The following MTERF4 variants were observed in gnomAD, a reference collection of about 807,000 sequenced individuals.
MTERF4 encodes the protein transcription termination factor 4, mitochondrial.
MTERF4 carries 17 observed loss-of-function variants against 22.5 expected under a neutral mutation model. The ratio of observed to expected loss-of-function variants is 0.75; its 90% CI spans 0.52 to 1.13. The LOEUF (loss-of-function observed/expected upper bound fraction) is 1.13. Among genes scored for constraint, MTERF4 ranks in the 50% most tolerant of loss-of-function variants. The pLI, the probability that MTERF4 is intolerant of heterozygous loss-of-function variation, is 0.00. For synonymous variants in MTERF4, 165 were observed against 175.3 expected (o/e 0.94, Z 0.47); for missense variants, 420 against 466.8 (o/e 0.90, Z 0.92).
At chr2:241,052,229 T>A in the MTERF4 span, 1 of 1,479,168 alleles carries the variant, frequency 6.8e-7, no homozygotes, top group African/African-American at 1.4e-5. Context: ...AACAGGCCCA[T>A]GGGCAGGGCT....
rs143756138 is a variant in MTERF4, at chr2:241,099,795, G to T, written c.121C>A (p.Arg41Ser). The T allele has an allele frequency of 4.3e-6, 7 of 1,613,956 alleles. No homozygotes were observed. Among genetic ancestry groups the T allele is most frequent in the East Asian group, 2.2e-5 (1 of 44,884 alleles). Residue 41 changes from arginine (R) to serine (S), a missense_variant, in exon 2 of 4, where the codon CGC becomes AGC. Physicochemically the swap from Arg to Ser is moderately radical, Grantham distance 110. Coordinates refer to ENST00000391980, the MANE Select transcript of MTERF4 (RefSeq NM_182501.4). ...CCATTGGAGGCTGTAGTCAGTTTGC[G>T]CAACAAAGAAGCTGTCGTCCTTCTC... ...EQRRTTASLL[R>S]KLTTASNGGV...
the MTERF4 span, chr2:241,052,132 C>T: frequency 2.8e-4 from 447 of 1,613,836 alleles, 3 homozygotes; most frequent in African/African-American, 5.0e-3. Flanking sequence ...GTCCCCCAGG[C>T]TTCTCCGGGC....
intron 4 of MTERF4, among the ~76,000 whole-genome samples, chr2:241,080,239 G>A (rs894901089): frequency 4.6e-5 from 7 of 152,148 alleles, no homozygotes; most frequent in Admixed American, 1.3e-4. Flanking sequence ...AGCTGAGATC[G>A]CGACACTGCA....
downstream of MTERF4, among the ~76,000 whole-genome samples, chr2:241,085,929 C>T (rs2063554111): frequency 1.5e-5 from 2 of 136,718 alleles, no homozygotes; most frequent in African/African-American, 5.7e-5. Context: ...TGCAGTGGAG[C>T]GATCTCAGCT....
At chr2:241,049,061 C>T in the MTERF4 span, 1 of 1,613,586 alleles carries the variant, frequency 6.2e-7, no homozygotes, top group South Asian at 1.1e-5. Context: ...ACACAGTGCC[C>T]AGATGGGGGC....
the MTERF4 span, among the ~76,000 whole-genome samples, chr2:241,067,107 T>C: frequency 2.0e-5 from 3 of 152,012 alleles, no homozygotes; most frequent in Non-Finnish European, 4.4e-5. Context: ...GTATCTGGAG[T>C]GAAGACAGAG....
the MTERF4 span, among the ~76,000 whole-genome samples, chr2:241,060,623 T>C: frequency 1.3e-5 from 2 of 151,992 alleles, no homozygotes; most frequent in Non-Finnish European, 2.9e-5. Flanking sequence ...TCCAGGTGGA[T>C]TAAAGACCTA....
At chr2:241,097,695 T>G (rs569961220) in intron 2 of MTERF4, among the ~76,000 whole-genome samples, 1 of 152,318 alleles carries the variant, frequency 6.6e-6, no homozygotes, top group East Asian at 1.9e-4. Context: ...AGGTGCCAAC[T>G]TTGTATTTTG....
At chr2:241,067,705 C>G (rs2062519772), downstream of MTERF4, 2 of 1,478,362 alleles carry the variant, frequency 1.4e-6, no homozygotes, top group Non-Finnish European at 1.9e-6. Flanking sequence ...TCTTGAGCCC[C>G]TGCACTCCCC....
chr2:241,042,843 GAA>G, the MTERF4 span, among the ~76,000 whole-genome samples: 1 of 152,182 alleles, frequency 6.6e-6, no homozygotes, highest in Non-Finnish European at 1.5e-5. Flanking sequence ...AAAAGAAAAA[GAA>G]GAGATCTTCA....
chr2:241,052,277 G>A, the MTERF4 span: 2 of 1,431,034 alleles, frequency 1.4e-6, no homozygotes, highest in Non-Finnish European at 1.9e-6. Flanking sequence ...GGAGCTGGGT[G>A]CAGGAGGCAG....
chr2:241,057,977 A>G, the MTERF4 span, among the ~76,000 whole-genome samples: 1 of 152,228 alleles, frequency 6.6e-6, no homozygotes, highest in Non-Finnish European at 1.5e-5. Context: ...GAATTATGAT[A>G]GAAAAAATAC....
chr2:241,063,657 C>G, the MTERF4 span: 1 of 1,612,422 alleles, frequency 6.2e-7, no homozygotes, highest in South Asian at 1.1e-5. Flanking sequence ...GGGCCTATGT[C>G]TGCCGGTGCC....
chr2:241,053,598 C>T, the MTERF4 span, among the ~76,000 whole-genome samples: 4 of 152,226 alleles, frequency 2.6e-5, no homozygotes, highest in Admixed American at 1.3e-4. Flanking sequence ...AATACCCACT[C>T]TGCAGATGCA....
At chr2:241,064,209 CCT>C in the MTERF4 span, 1 of 960,802 alleles carries the variant, frequency 1.0e-6, no homozygotes, top group African/African-American at 1.7e-5. The surrounding 1 kb of genome is among the most constrained non-coding windows in gnomAD (Gnocchi z 7.0). Context: ...CCTCTGCCCG[CCT>C]GCTCCCCGCC....
At chr2:241,057,384 T>A in the MTERF4 span, among the ~76,000 whole-genome samples, 22 of 39,150 alleles carry the variant, frequency 5.6e-4, 1 homozygote, top group African/African-American at 1.9e-3. Context: ...TCTCAAAATA[T>A]ATATATATAT....
chr2:241,067,855 C>T (rs1450429801), downstream of MTERF4: 5 of 1,613,320 alleles, frequency 3.1e-6, no homozygotes, highest in East Asian at 2.2e-5. Context: ...GCCATGCCAC[C>T]GTCAGTGGGG....
At chr2:241,072,965 C>T in exon 5 of MTERF4, 2 of 430,248 alleles carry the variant, frequency 4.6e-6, no homozygotes, top group Non-Finnish European at 8.3e-6. Context: ...AAGAAAGCAA[C>T]CGCATCAGCC....
At chr2:241,053,815 A>G in the MTERF4 span, among the ~76,000 whole-genome samples, 1 of 152,222 alleles carries the variant, frequency 6.6e-6, no homozygotes, top group African/African-American at 2.4e-5. Context: ...GGGAGTGCAC[A>G]GCCTAGAGAC....
Sources: gnomAD v4.1 joint callset for allele counts (sites outside exome capture counted in the v4.1 genomes callset) on GRCh38, gnomAD v4.1.1 for gene constraint, Gnocchi (gnomAD v3.1) non-coding constraint, MANE v1.5 for transcripts, NCBI Gene and HGNC (gene_info 2026-07-23, HGNC 2026-07-21) for gene names.